Variants in TAFA4 observed in about 807,000 individuals in gnomAD.
TAFA4 encodes the protein chemokine-like protein TAFA-4.
TAFA4 carries 20 observed loss-of-function variants against 21.1 expected under a neutral mutation model. The ratio of observed to expected loss-of-function variants is 0.95; its 90% CI spans 0.67 to 1.38. The LOEUF is 1.38. Ranked by LOEUF, TAFA4 falls within the 40% of genes most tolerant of loss-of-function variation. TAFA4 has a pLI of 0.00. For synonymous variants in TAFA4, 71 were observed against 67.4 expected, an observed-to-expected ratio of 1.05 and a Z score of -0.26; for missense variants, 211 against 180.9, an observed-to-expected ratio of 1.17 and a Z score of -0.95.
chr3:68,747,690 A>C (rs1702485230), intron 4 of TAFA4, among the ~76,000 whole-genome samples: 1 of 152,148 alleles, frequency 6.6e-6, no homozygotes, highest in African/African-American at 2.4e-5. Context: ...CTCACCATGA[A>C]ACCTATGCTG....
At chr3:68,795,461 A>T (rs751926288) in intron 3 of TAFA4, among the ~76,000 whole-genome samples, 33 of 152,098 alleles carry the variant, frequency 2.2e-4, no homozygotes, top group Non-Finnish European at 4.1e-4. Context: ...CCCTAGCCAC[A>T]ACCACTGATT....
intron 3 of TAFA4, among the ~76,000 whole-genome samples, chr3:68,861,030 A>ACCCCCCCCCCCCCCCCC (rs113804738): frequency 9.0e-6 from 1 of 111,018 alleles, no homozygotes; most frequent in Non-Finnish European, 1.9e-5. Flanking sequence ...TTAAATATGC[A>ACCCCCCCCCCCCCCCCC]CCCCCCCCCC....
At chr3:68,793,239 C>T (rs887160567) in intron 3 of TAFA4, among the ~76,000 whole-genome samples, 1 of 151,992 alleles carries the variant, frequency 6.6e-6, no homozygotes, top group African/African-American at 2.4e-5. Context: ...GGCATGAGCC[C>T]AACATTTACT....
At chr3:68,754,341 T>C (rs1463009967) in intron 3 of TAFA4, among the ~76,000 whole-genome samples, 1 of 152,222 alleles carries the variant, frequency 6.6e-6, no homozygotes, top group Admixed American at 6.5e-5. Context: ...CACATTTCAT[T>C]AGCCTCCTTT....
intron 3 of TAFA4, among the ~76,000 whole-genome samples, chr3:68,787,736 G>C (rs1454576036): frequency 6.6e-6 from 1 of 152,100 alleles, no homozygotes; most frequent in Non-Finnish European, 1.5e-5. Context: ...AACAAAAGAA[G>C]GCATAATGAA....
At chr3:68,780,362 G>A (rs764926417) in intron 3 of TAFA4, among the ~76,000 whole-genome samples, 7 of 152,094 alleles carry the variant, frequency 4.6e-5, no homozygotes, top group Non-Finnish European at 7.4e-5. Context: ...TGAGAATTGC[G>A]GGGGAGCCAG....
At chr3:68,851,998 G>A (rs372070464) in intron 3 of TAFA4, among the ~76,000 whole-genome samples, 2 of 152,158 alleles carry the variant, frequency 1.3e-5, no homozygotes, top group African/African-American at 2.4e-5. Flanking sequence ...TGTCTGGGTG[G>A]GAGCCCAGGA....
chr3:68,845,577 A>G (rs547813870), intron 3 of TAFA4, among the ~76,000 whole-genome samples: 1 of 152,074 alleles, frequency 6.6e-6, no homozygotes, highest in Non-Finnish European at 1.5e-5. Context: ...CTAGCTGGTT[A>G]TTTTGCCCAT....
chr3:68,821,321 C>A (rs1704110439), intron 3 of TAFA4, among the ~76,000 whole-genome samples: 2 of 139,172 alleles, frequency 1.4e-5, no homozygotes, highest in Non-Finnish European at 3.1e-5. Context: ...TAGACAACCT[C>A]CCTGCTTTTT....
At chr3:68,758,326 C>G (rs116548769) in intron 3 of TAFA4, among the ~76,000 whole-genome samples, 2,119 of 152,232 alleles carry the variant, frequency 0.014, 49 homozygotes, top group African/African-American at 0.048. Context: ...CATCTTGAAT[C>G]GAAGCTCCCA....
chr3:68,870,437 A>G (rs1313986606), intron 3 of TAFA4, among the ~76,000 whole-genome samples: 2 of 152,188 alleles, frequency 1.3e-5, no homozygotes, highest in African/African-American at 2.4e-5. Context: ...GCATCACACT[A>G]CTTGACTTCA....
intron 4 of TAFA4, among the ~76,000 whole-genome samples, chr3:68,739,684 A>G (rs926264858): frequency 1.3e-5 from 2 of 152,234 alleles, no homozygotes; most frequent in Non-Finnish European, 2.9e-5. Flanking sequence ...ATCAAATACT[A>G]CTGAGCCACA....
At chr3:68,780,538 G>C (rs1703135816) in intron 3 of TAFA4, among the ~76,000 whole-genome samples, 1 of 152,178 alleles carries the variant, frequency 6.6e-6, no homozygotes, top group African/African-American at 2.4e-5. Context: ...GTTTTAAAAA[G>C]AGGCATTCCC....
intron 3 of TAFA4, among the ~76,000 whole-genome samples, chr3:68,850,443 G>A (rs1704915939): frequency 6.6e-6 from 1 of 152,084 alleles, no homozygotes; most frequent in South Asian, 2.1e-4. Flanking sequence ...CGGTATTTCT[G>A]GTTCCAGATC....
chr3:68,734,567 G>A (rs575779054), intron 5 of TAFA4, among the ~76,000 whole-genome samples: 1 of 152,244 alleles, frequency 6.6e-6, no homozygotes, highest in East Asian at 1.9e-4. Context: ...TCAACTTAAA[G>A]AGTTGTGACA....
chr3:68,805,208 C>T (rs755363878), intron 3 of TAFA4, among the ~76,000 whole-genome samples: 285 of 152,314 alleles, frequency 1.9e-3, no homozygotes, highest in Non-Finnish European at 3.1e-3. Context: ...AAAAAATGCT[C>T]ATCATCACTG....
chr3:68,779,108 G>C (rs549719755), intron 3 of TAFA4, among the ~76,000 whole-genome samples: 1 of 152,212 alleles, frequency 6.6e-6, no homozygotes, highest in East Asian at 1.9e-4. Flanking sequence ...TTAGCAAAGA[G>C]AGTGGCAGCA....
intron 3 of TAFA4, among the ~76,000 whole-genome samples, chr3:68,782,881 G>T (rs2106799070): frequency 6.6e-6 from 1 of 152,214 alleles, no homozygotes; most frequent in South Asian, 2.1e-4. Context: ...ACACCTTAAA[G>T]TTGTTTTAAA....
At chr3:68,813,075 A>G (rs1205156467) in intron 3 of TAFA4, among the ~76,000 whole-genome samples, 2 of 152,142 alleles carry the variant, frequency 1.3e-5, no homozygotes, top group African/African-American at 4.8e-5. Flanking sequence ...CTGAGTGACT[A>G]CTGGGTACAT....
Sources: gnomAD v4.1 joint callset for allele counts (sites outside exome capture counted in the v4.1 genomes callset) on GRCh38, gnomAD v4.1.1 for gene constraint, MANE v1.5 for transcripts, NCBI Gene and HGNC (gene_info 2026-07-23, HGNC 2026-07-21) for gene names.